TRIM2: variants seen among roughly 807,000 people sequenced by gnomAD.
TRIM2 encodes tripartite motif containing 2, also known as tripartite motif-containing protein 2.
In TRIM2, 20 loss-of-function variants were observed where a neutral mutation model predicts 75.2. The observed-to-expected ratio is 0.27, with a 90% CI of 0.19 to 0.39. TRIM2 has a LOEUF of 0.39. Among genes scored for constraint, TRIM2 ranks in the 10% least tolerant of loss-of-function variants. TRIM2 has a pLI of 1.00. For synonymous variants in TRIM2, 373 were observed against 388.3 expected (o/e 0.96, Z 0.46); for missense variants, 660 against 990.8 (o/e 0.67, Z 4.48).
At chr4:153,325,665 A>G (rs906058035) in intron 10 of TRIM2, among the ~76,000 whole-genome samples, 6 of 152,250 alleles carry the variant, frequency 3.9e-5, no homozygotes, top group African/African-American at 1.4e-4. Context: ...GCATTCAGCA[A>G]GAAGGAAACC....
intron 3 of TRIM2, among the ~76,000 whole-genome samples, chr4:153,290,951 A>G (rs1475196751): frequency 6.6e-6 from 1 of 152,138 alleles, no homozygotes; most frequent in East Asian, 1.9e-4. Flanking sequence ...TGAGCAGAGA[A>G]TGCATACAAG....
In TRIM2 at chr4:153,334,866, C is replaced by T; in HGVS notation, c.2216C>T (p.Pro739Leu). The T allele has an allele frequency of 6.2e-7, 1 of 1,614,020 alleles. No homozygotes were observed. The highest frequency in any genetic ancestry group is 8.5e-7 in the Non-Finnish European group (1 of 1,179,928). The change falls in exon 12 of 12, where the codon CCA (proline) becomes CTA (leucine). Residue 739 changes from proline to leucine, a missense_variant. By Grantham distance (98) the Pro-to-Leu change is moderately conservative. Around this residue, in one of 2 missense-constraint regions of TRIM2, gnomAD observed 40 missense variants for 99.8 expected, o/e 0.40. Transcript: ENST00000338700. ...FLSYINTSAD[P>L]LYGPQGLALT... ...TCCTACATTAACACATCTGCTGACC[C>T]ACTCTATGGCCCCCAAGGCCTGGCC... is the stretch of plus-strand genomic sequence containing the variant.
chr4:153,206,529 C>A (rs187213313), intron 1 of TRIM2, among the ~76,000 whole-genome samples: 2 of 152,086 alleles, frequency 1.3e-5, no homozygotes, highest in African/African-American at 4.8e-5. Context: ...ATGTCCTCTC[C>A]GGGCGCCACT....
chr4:153,307,984 G>A, intron 6 of TRIM2: 2 of 759,092 alleles, frequency 2.6e-6, no homozygotes, highest in East Asian at 2.5e-5. Flanking sequence ...TGAATACACT[G>A]GACCAGGTTC....
chr4:153,244,409 TTCTTCTTCTTCTTCTTCTTC>T (rs1560875288), intron 1 of TRIM2, among the ~76,000 whole-genome samples: 6 of 87,768 alleles, frequency 6.8e-5, no homozygotes, highest in Admixed American at 1.3e-4. Flanking sequence ...CTTCTTCTTC[TTCTTCTTCTTCTTCTTCTTC>T]TTCTTCTTTT....
rs199897211 is a variant in TRIM2, at chr4:153,307,673, A to G, written c.1511-7812A>G. 4.2e-3 allele frequency: 2,027 copies of G among 485,308 alleles called. 8 individuals are homozygous for G. The highest frequency in any genetic ancestry group is 6.0e-3 in the Non-Finnish European group (1,555 of 258,138). The allele number at this position is 485,308 out of a possible 1,614,324, so 30.1% of individuals were successfully genotyped here. ...ACGTCATCCTCACAGGAACAGCCACAGGGACTGCTAGTCACAAGCGGGTTT... is the reference window on the plus strand; with the variant it reads ...ACGTCATCCTCACAGGAACAGCCACGGGGACTGCTAGTCACAAGCGGGTTT... On this transcript the variant is annotated intron_variant, in intron 6 of 11. Transcript: ENST00000338700.
At chr4:153,329,232 T>C (rs770832384) in intron 11 of TRIM2, among the ~76,000 whole-genome samples, 2 of 152,162 alleles carry the variant, frequency 1.3e-5, no homozygotes, top group African/African-American at 2.4e-5. Context: ...TTTCAATAGC[T>C]ATATTTTAAT....
Position 153,295,672 on chromosome 4 carries a change from T to A in TRIM2, c.1146T>A (p.Gly382=). The stretch of plus-strand genomic sequence containing the variant: ...CCATCACCACCAAGGACAAAGACGG[T>A]GAGCTGTGCAAAACCGGCAACGCCT... ...SVTITTKDKD[G]ELCKTGNAYL... Residue 382 remains glycine (G), a synonymous_variant, in exon 6 of 12, where the codon GGT becomes GGA. Transcript: ENST00000338700. The surrounding 1 kb of genome is among the most constrained non-coding windows in gnomAD (Gnocchi z 7.2). The A allele has an allele frequency of 1.9e-6, 3 of 1,613,648 alleles. No homozygotes were observed. The highest frequency in any genetic ancestry group is 1.7e-6 in the Non-Finnish European group (2 of 1,179,942).
In TRIM2 at chr4:153,320,349, C is replaced by G. The variant is rs138014609; in HGVS notation, c.1783-2299C>G. 6.4e-3 allele frequency among the ~76,000 whole-genome samples: 980 copies of G among 152,236 alleles called. 5 individuals are homozygous for G. The highest frequency in any genetic ancestry group is 9.7e-3 in the South Asian group (47 of 4,826). ...AAGGAGCATATAAAGTCTAAAGTCC[C>G]CATCATGCAAAGTCCCATCCTGCTA... On this transcript the variant is annotated intron_variant, in intron 8 of 11. Transcript: ENST00000338700.
At chr4:153,312,008 C>T (rs1363740894) in intron 6 of TRIM2, among the ~76,000 whole-genome samples, 1 of 151,308 alleles carries the variant, frequency 6.6e-6, no homozygotes, top group East Asian at 1.9e-4. Flanking sequence ...TGGTGCGCTG[C>T]ACCCACTAAC....
chr4:153,191,294 A>G (rs1261236082), intron 1 of TRIM2, among the ~76,000 whole-genome samples: 2 of 152,214 alleles, frequency 1.3e-5, no homozygotes, highest in Non-Finnish European at 1.5e-5. Context: ...CAGATCAGTC[A>G]TCTATGGCTA....
chr4:153,238,827 G>A (rs542568327), intron 1 of TRIM2, among the ~76,000 whole-genome samples: 1 of 152,316 alleles, frequency 6.6e-6, no homozygotes, highest in South Asian at 2.1e-4. Context: ...AAGAGGCCAG[G>A]AGATGGGGTC....
At chr4:153,273,307 G>C (rs1579225549) in intron 2 of TRIM2, among the ~76,000 whole-genome samples, 1 of 72,862 alleles carries the variant, frequency 1.4e-5, no homozygotes, top group Non-Finnish European at 2.8e-5. Flanking sequence ...ACAGAGTCTC[G>C]CTCTGCCGCC....
chr4:153,253,404 G>A (rs1418352886), intron 1 of TRIM2, among the ~76,000 whole-genome samples: 1 of 152,190 alleles, frequency 6.6e-6, no homozygotes, highest in Non-Finnish European at 1.5e-5. Context: ...CACTGGGTAT[G>A]ACAGCCATAG....
chr4:153,244,489 G>A (rs532339404), intron 1 of TRIM2, among the ~76,000 whole-genome samples: 133 of 146,472 alleles, frequency 9.1e-4, no homozygotes, highest in African/African-American at 2.8e-3. Context: ...TTGAACTCCT[G>A]GGCTCAAGCA....
intron 6 of TRIM2, among the ~76,000 whole-genome samples, chr4:153,297,358 C>T (rs1289079091): frequency 2.0e-5 from 3 of 152,144 alleles, no homozygotes; most frequent in Admixed American, 6.5e-5. Context: ...TCTGCCACTC[C>T]GGTTCAGCCA....
chr4:153,314,092 A>G (rs551581550), intron 6 of TRIM2, among the ~76,000 whole-genome samples: 1 of 152,202 alleles, frequency 6.6e-6, no homozygotes, highest in South Asian at 2.1e-4. Context: ...AATCATAAAA[A>G]CTTCTTTTAA....
At chr4:153,230,220 G>T (rs1276030486) in intron 1 of TRIM2, among the ~76,000 whole-genome samples, 2 of 151,782 alleles carry the variant, frequency 1.3e-5, no homozygotes, top group African/African-American at 4.8e-5. Flanking sequence ...TTGCTCTGCT[G>T]CCCAGGCTGG....
intron 1 of TRIM2, among the ~76,000 whole-genome samples, chr4:153,229,619 C>T (rs1167801151): frequency 1.3e-5 from 2 of 152,140 alleles, no homozygotes; most frequent in Admixed American, 6.5e-5. Context: ...GTTAAAAAGC[C>T]TTTAAACATC....
Sources: gnomAD v4.1 joint callset for allele counts (sites outside exome capture counted in the v4.1 genomes callset) on GRCh38, gnomAD v4.1.1 for gene constraint, gnomAD v4.1.1 regional missense constraint, Gnocchi (gnomAD v3.1) non-coding constraint, MANE v1.5 for transcripts, NCBI Gene and HGNC (gene_info 2026-07-23, HGNC 2026-07-21) for gene names.